Variants in CLCC1 observed in about 807,000 individuals in gnomAD.
The protein encoded by CLCC1 is chloride channel CLIC-like protein 1.
A neutral mutation model predicts 63.3 loss-of-function variants in CLCC1; 39 were observed. The ratio of observed to expected loss-of-function variants is 0.62; its 90% CI spans 0.48 to 0.81. The LOEUF is 0.81. Among genes scored for constraint, CLCC1 ranks in the 30% least tolerant of loss-of-function variants. The probability of loss-of-function intolerance (pLI) is 0.00; values close to 1 mark genes in which losing one functional copy is unlikely to be tolerated. For missense variants in CLCC1, 549 were observed against 669.4 expected, an observed-to-expected ratio of 0.82 and a Z score of 1.98; for synonymous variants, 217 against 239.8, an observed-to-expected ratio of 0.90 and a Z score of 0.88.
intron 2 of CLCC1, among the ~76,000 whole-genome samples, chr1:108,958,935 AG>A (rs1656274211): frequency 6.6e-6 from 1 of 151,356 alleles, no homozygotes. Context: ...GCACTTTGGG[AG>A]GCCGAGGTGG....
chr1:108,931,293 C>G lies in CLCC1; in HGVS notation c.*1254G>C. 1.3e-6 allele frequency: 2 copies of G among 1,527,804 alleles called. No individual in the cohort carries two copies. Among genetic ancestry groups the G allele is most frequent in the Non-Finnish European group, 1.8e-6 (2 of 1,135,500 alleles). 94.6% of individuals were successfully genotyped at this position (1,527,804 alleles called of 1,614,324 possible). A position where few individuals can be genotyped will look rare whatever the true frequency, so the allele number is the denominator to read the frequency against. On this transcript the variant is annotated 3_prime_UTR_variant, in exon 13 of 13. Transcript: ENST00000369969. ...AGCTAGAACCTTAGTTGTCATTAAG[C>G]TTTGTCTTCCTTATCCCAGATATTG...
At chr1:108,942,973 C>A (rs1174604886) in intron 7 of CLCC1, among the ~76,000 whole-genome samples, 3 of 151,956 alleles carry the variant, frequency 2.0e-5, no homozygotes, top group Non-Finnish European at 2.9e-5. Flanking sequence ...TGGAGTGCAG[C>A]AGCGCAATCT....
chr1:108,961,738 A>C (rs980151506), intron 2 of CLCC1, among the ~76,000 whole-genome samples: 1 of 152,076 alleles, frequency 6.6e-6, no homozygotes, highest in Non-Finnish European at 1.5e-5. Context: ...GCATGCCTGT[A>C]ATCCCAGCTA....
intron 2 of CLCC1, among the ~76,000 whole-genome samples, chr1:108,954,128 G>A (rs1655556974): frequency 6.6e-6 from 1 of 151,214 alleles, no homozygotes; most frequent in Non-Finnish European, 1.5e-5. Context: ...AGAGGCAGAG[G>A]GCAAAGTGTA....
chr1:108,958,647 A>G (rs1282448989), intron 2 of CLCC1, among the ~76,000 whole-genome samples: 1 of 151,348 alleles, frequency 6.6e-6, no homozygotes, highest in Non-Finnish European at 1.5e-5. Context: ...TGGGAGGCCC[A>G]GCAGGCGGAT....
In CLCC1 at chr1:108,940,229, T is replaced by A. The variant is rs557184497; in HGVS notation, c.797-87A>T. 4.8e-5 allele frequency: 37 copies of A among 767,586 alleles called. No individual in the cohort carries two copies. The South Asian group carries it at 7.9e-4, about 16-fold the overall frequency. 47.5% of individuals were successfully genotyped at this position (767,586 alleles called of 1,614,324 possible). ...CAAGACATTACTTTGGTTTTGACCC[T>A]CCCTGACCACCCACCAATGAGTTTT... is the stretch of plus-strand genomic sequence containing the variant. On this transcript the variant is annotated intron_variant, in intron 8 of 12. Transcript: ENST00000369969.
At chr1:108,952,943 T>G (rs978057034) in intron 2 of CLCC1, among the ~76,000 whole-genome samples, 1 of 152,194 alleles carries the variant, frequency 6.6e-6, no homozygotes, top group Non-Finnish European at 1.5e-5. Flanking sequence ...GTAACTCCTC[T>G]ATGTAGCTAT....
chr1:108,939,485 T>A (rs1455384575), intron 10 of CLCC1, 151 bp downstream of exon 10: 4 of 527,456 alleles, frequency 7.6e-6, no homozygotes, highest in Non-Finnish European at 1.2e-5. Context: ...TTTTTGTATT[T>A]TTTTTAGTAG....
At chr1:108,944,087 TAGAA>T (rs768195529) in intron 5 of CLCC1, 30 bp from the exon 6 acceptor site, 142 of 1,488,500 alleles carry the variant, frequency 9.5e-5, no homozygotes, top group East Asian at 9.3e-4. Flanking sequence ...AAACAAACAA[TAGAA>T]AGAGAATTTT....
At chr1:108,936,365 G>T (rs987179868) in intron 11 of CLCC1, among the ~76,000 whole-genome samples, 1 of 152,180 alleles carries the variant, frequency 6.6e-6, no homozygotes, top group African/African-American at 2.4e-5. Flanking sequence ...CCAGTGCTGG[G>T]ATCACAGGCG....
chr1:108,941,370 T>C (rs1653817237), intron 8 of CLCC1, 35 bp downstream of exon 8: 1 of 1,542,624 alleles, frequency 6.5e-7, no homozygotes, highest in Non-Finnish European at 8.9e-7. Flanking sequence ...TCAGAATTTC[T>C]ATTCAAAATA....
At chr1:108,952,836 C>T (rs1338312452) in intron 2 of CLCC1, among the ~76,000 whole-genome samples, 1 of 151,442 alleles carries the variant, frequency 6.6e-6, no homozygotes, top group Non-Finnish European at 1.5e-5. Context: ...TGGGAATTTA[C>T]GATTCAAATG....
At position 108,943,499 on chromosome 1, in the gene CLCC1, T is replaced by A. The variant is rs1654118745; in HGVS notation, c.678A>T (p.Gly226=). 2.5e-6 allele frequency: 4 copies of A among 1,613,908 alleles called. No individual in the cohort carries two copies. Residue 226 remains glycine (G), a synonymous_variant, in exon 7 of 13, where the codon GGA becomes GGT. Transcript: ENST00000369969. ...CCTTATATAAATACATCCAATTCCA[T>A]CCCAAACTGAACAGAAAGCTGATGA... ...VLIISFLFSL[G]WNWMYLYKLA...
chr1:108,943,055 G>A (rs1489443496), intron 7 of CLCC1, among the ~76,000 whole-genome samples: 1 of 152,012 alleles, frequency 6.6e-6, no homozygotes, highest in Non-Finnish European at 1.5e-5. Flanking sequence ...GACTACAGGT[G>A]CACGTCACCA....
rs750304194 is a variant in CLCC1 at position 108,934,622 on chromosome 1, T to C, written c.*45+3A>G. ...GAGAAAGAGAGTGAAGAGTATACTT[T>C]ACAAAGCTCGAAGGAGACTTGAGGC... On this transcript the variant is annotated splice_donor_region_variant and intron_variant, in intron 12 of 12. Coordinates refer to ENST00000369969, the MANE Select transcript of CLCC1 (RefSeq NM_001377458.1). 28 of 1,582,220 alleles carry C rather than the reference T, an allele frequency of 1.8e-5. No individual in the cohort carries two copies. The South Asian group carries it at 3.2e-4, about 18-fold the overall frequency.
intron 10 of CLCC1, among the ~76,000 whole-genome samples, chr1:108,939,275 T>G (rs1001906273): frequency 2.4e-4 from 35 of 146,074 alleles, no homozygotes; most frequent in Middle Eastern, 3.6e-3. Context: ...TATAAATATA[T>G]ATAGATAGAT....
Position 108,929,509 on chromosome 1 carries a change from A to G in CLCC1, c.*3038T>C. On this transcript the variant is annotated 3_prime_UTR_variant, in exon 13 of 13. Transcript: ENST00000369969. ...TAAAGGAAAAATTTTATGCAGTTTC[A>G]GGTTTAAAGATTATTTCTTTCAGAA... is the stretch of plus-strand genomic sequence containing the variant. 1.6e-6 allele frequency: 1 copy of G among 616,394 alleles called. No individual in the cohort carries two copies. Among genetic ancestry groups the G allele is most frequent in the Non-Finnish European group, 2.8e-6 (1 of 351,256 alleles). The allele number at this position is 616,394 out of a possible 1,614,324, so 38.2% of individuals were successfully genotyped here.
Position 108,934,950 on chromosome 1 carries a change from G to A in CLCC1, c.1384-8C>T, listed in dbSNP as rs1652662100. 2 of 1,588,178 alleles carry A rather than the reference G, an allele frequency of 1.3e-6. No individual in the cohort carries two copies. The highest frequency in any genetic ancestry group is 1.1e-5 in the South Asian group (1 of 88,398). ...CAAAACAGGTGATTTATGCTATAAA[G>A]TACAAAATTACATTTTAACTGTTTA... On this transcript the variant is annotated splice_region_variant and splice_polypyrimidine_tract_variant and intron_variant, in intron 11 of 12. Transcript: ENST00000369969.
chr1:108,944,206 A>C, intron 5 of CLCC1, 149 bp from the exon 6 acceptor site: 2 of 643,882 alleles, frequency 3.1e-6, no homozygotes, highest in African/African-American at 1.8e-5. Flanking sequence ...AAGGTAGCTC[A>C]CACCTATAAT....
Sources: allele counts gnomAD v4.1 joint callset (sites outside exome capture counted in the v4.1 genomes callset), GRCh38; gene constraint gnomAD v4.1.1; transcripts MANE v1.5; gene names NCBI Gene and HGNC (gene_info 2026-07-23, HGNC 2026-07-21).